The following GLRA3 variants were observed in gnomAD, a reference collection of about 807,000 sequenced individuals.
The protein encoded by GLRA3 is glycine receptor alpha 3.
GLRA3 carries 44 observed loss-of-function variants against 60.4 expected under a neutral mutation model. The observed-to-expected ratio is 0.73, with a 90% confidence interval of 0.57 to 0.94. The LOEUF (loss-of-function observed/expected upper bound fraction) is 0.94, where lower values mean the gene tolerates loss of function less well. Ranked by LOEUF, GLRA3 falls within the 40% of genes least tolerant of loss-of-function variation. The pLI is 0.00. For missense variants in GLRA3, 508 were observed against 564.6 expected (o/e 0.90, Z 1.02); for synonymous variants, 223 against 192.9 (o/e 1.16, Z -1.29).
intron 1 of GLRA3, among the ~76,000 whole-genome samples, chr4:174,789,902 A>T (rs76191024): frequency 2.0e-5 from 3 of 152,204 alleles, no homozygotes; most frequent in African/African-American, 7.2e-5. Flanking sequence ...GACATTGCCA[A>T]ATCAAACCAT....
intron 3 of GLRA3, among the ~76,000 whole-genome samples, chr4:174,765,000 T>C (rs982818229): frequency 3.3e-5 from 5 of 152,038 alleles, no homozygotes; most frequent in African/African-American, 1.2e-4. Flanking sequence ...CAATGTTCAT[T>C]GACACTGCTT....
intron 6 of GLRA3, among the ~76,000 whole-genome samples, chr4:174,681,882 A>C (rs1734359559): frequency 6.6e-6 from 1 of 152,178 alleles, no homozygotes; most frequent in Admixed American, 6.5e-5. Context: ...TGAACTCCCT[A>C]ATAAGTTAGA....
chr4:174,672,740 G>C (rs77710939), intron 7 of GLRA3, among the ~76,000 whole-genome samples: 2 of 152,090 alleles, frequency 1.3e-5, no homozygotes, highest in East Asian at 3.9e-4. Context: ...GTAAACCATT[G>C]AGATTCAGAA....
intron 2 of GLRA3, 99 bp from the exon 3 acceptor site, chr4:174,767,129 C>CAG: frequency 2.4e-6 from 1 of 410,836 alleles, no homozygotes; most frequent in South Asian, 3.5e-5. Context: ...ATTTTACACA[C>CAG]ACACACACAC....
In GLRA3 at chr4:174,648,846, A is replaced by G. The variant is rs574579585; in HGVS notation, c.1117-4782T>C. Among the ~76,000 whole-genome samples the G allele has an allele frequency of 3.3e-5, 5 of 152,298 alleles. No homozygotes were observed. In the South Asian group the frequency reaches 8.3e-4, roughly 25 times the overall value. On this transcript the variant is annotated intron_variant, in intron 9 of 9. Coordinates refer to ENST00000274093, the MANE Select transcript of GLRA3 (RefSeq NM_006529.4). ...CTCTTTAGGTGGCTGTTAAGACACA[A>G]AAAGAACACAGCAAAAATTGACAGG...
Position 174,804,170 on chromosome 4 carries a change from C to T in GLRA3, c.72-15227G>A, listed in dbSNP as rs115980745. ...CAGTGAAAATTTATAGGATGAAGGA[C>T]TTCTGAAATAGTGCTCCAGAGTTTC... is the stretch of plus-strand genomic sequence containing the variant. On this transcript the variant is annotated intron_variant, in intron 1 of 9. Transcript: ENST00000274093. 4.9e-3 allele frequency among the ~76,000 whole-genome samples: 752 copies of T among 152,184 alleles called. 3 individuals carry two copies. Among genetic ancestry groups the T allele is most frequent in the South Asian group, 8.7e-3 (42 of 4,824 alleles).
chr4:174,676,522 T>C (rs1734123582), intron 7 of GLRA3, among the ~76,000 whole-genome samples: 3 of 152,174 alleles, frequency 2.0e-5, no homozygotes, highest in South Asian at 2.1e-4. Context: ...TGTAAAGCTA[T>C]GTGTGTGTAT....
chr4:174,803,442 A>C (rs1739902925), intron 1 of GLRA3, among the ~76,000 whole-genome samples: 1 of 152,148 alleles, frequency 6.6e-6, no homozygotes, highest in African/African-American at 2.4e-5. Flanking sequence ...TGTCATGCTC[A>C]AGATAATAAA....
At chr4:174,724,823 C>T (rs1736260686) in intron 4 of GLRA3, among the ~76,000 whole-genome samples, 1 of 152,298 alleles carries the variant, frequency 6.6e-6, no homozygotes, top group African/African-American at 2.4e-5. Context: ...TTCCTTTCAG[C>T]ACCTAAAAAA....
At position 174,642,282 on chromosome 4, in the gene GLRA3, T is replaced by C; in HGVS notation, c.*1504A>G. On this transcript the variant is annotated 3_prime_UTR_variant, in exon 10 of 10. Coordinates refer to ENST00000274093, the MANE Select transcript of GLRA3 (RefSeq NM_006529.4). ...AGTGGTTGAAGGGTAGAAAATAGCA[T>C]CTTGTTAAAGAACTGGCTTTTCTAT... 1 of 949,990 alleles carries C rather than the reference T, an allele frequency of 1.1e-6. No individual in the cohort carries two copies. Among genetic ancestry groups the C allele is most frequent in the Non-Finnish European group, 1.3e-6 (1 of 797,832 alleles). 58.8% of individuals were successfully genotyped at this position (949,990 alleles called of 1,614,324 possible). A position where few individuals can be genotyped will look rare whatever the true frequency, so the allele number is the denominator to read the frequency against.
chr4:174,759,771 A>T (rs1737869605), intron 3 of GLRA3, among the ~76,000 whole-genome samples: 1 of 152,208 alleles, frequency 6.6e-6, no homozygotes, highest in Non-Finnish European at 1.5e-5. Flanking sequence ...AAATTTCATT[A>T]CAAATTATTG....
At chr4:174,754,038 A>G (rs1230033130) in intron 3 of GLRA3, among the ~76,000 whole-genome samples, 1 of 152,006 alleles carries the variant, frequency 6.6e-6, no homozygotes, top group African/African-American at 2.4e-5. Flanking sequence ...TGTGCCTTTT[A>G]ACATTGTTTT....
chr4:174,685,064 G>C (rs67013670), intron 5 of GLRA3, among the ~76,000 whole-genome samples: 1 of 151,864 alleles, frequency 6.6e-6, no homozygotes, highest in African/African-American at 2.4e-5. Flanking sequence ...AGGTCTGTGA[G>C]GCAGCACAGA....
At chr4:174,771,482 T>C (rs976653949) in intron 2 of GLRA3, among the ~76,000 whole-genome samples, 4 of 152,052 alleles carry the variant, frequency 2.6e-5, no homozygotes, top group Non-Finnish European at 5.9e-5. Context: ...AATATGAATC[T>C]GAGAAACATT....
chr4:174,728,555 C>G lies in GLRA3; in HGVS notation c.411G>C (p.Lys137Asn). Residue 137 changes from lysine to asparagine, a missense_variant, in exon 4 of 10, where the codon AAG becomes AAC. By Grantham distance (94) the Lys-to-Asn change is moderately conservative. Transcript: ENST00000274093. ...WKPDLFFANE[K>N]GANFHEVTTD... ...TAGTGACTTCATGAAAGTTGGCACC[C>G]TTTTCATTGGCAAAGAACAAATCAG... 6.2e-7 allele frequency: 1 copy of G among 1,613,394 alleles called. No individual in the cohort carries two copies. Among genetic ancestry groups the G allele is most frequent in the Non-Finnish European group, 8.5e-7 (1 of 1,179,410 alleles).
chr4:174,726,087 T>C (rs1164297051), intron 4 of GLRA3, among the ~76,000 whole-genome samples: 1 of 152,244 alleles, frequency 6.6e-6, no homozygotes, highest in Non-Finnish European at 1.5e-5. Context: ...GTAAGCATGA[T>C]GTCCACTGAC....
At chr4:174,817,994 C>A (rs1461918665) in intron 1 of GLRA3, among the ~76,000 whole-genome samples, 1 of 152,056 alleles carries the variant, frequency 6.6e-6, no homozygotes, top group Non-Finnish European at 1.5e-5. Context: ...CAGATTTTGA[C>A]CATGTTAGTT....
In GLRA3 at chr4:174,828,689, G is replaced by A. The variant is rs986604367; in HGVS notation, c.71+52C>T. The stretch of plus-strand genomic sequence containing the variant: ...CTCATCAATAACAAGTGGTTGCAAC[G>A]TAATGCACAGGCTTAATGAGTTCTC... On this transcript the variant is annotated intron_variant, in intron 1 of 9. Transcript: ENST00000274093. 4.5e-6 allele frequency: 5 copies of A among 1,120,642 alleles called. No homozygotes were observed. The African/African-American group carries it at 6.1e-5, about 14-fold the overall frequency. The allele number at this position is 1,120,642 out of a possible 1,614,324, so 69.4% of individuals were successfully genotyped here. A position where few individuals can be genotyped will look rare whatever the true frequency, so the allele number is the denominator to read the frequency against.
At chr4:174,720,376 T>C (rs756472472) in intron 4 of GLRA3, among the ~76,000 whole-genome samples, 10 of 152,324 alleles carry the variant, frequency 6.6e-5, no homozygotes, top group Non-Finnish European at 1.3e-4. Flanking sequence ...TTAGTGCCTA[T>C]TGTATGTCTG....
Sources: gnomAD v4.1 joint callset for allele counts (sites outside exome capture counted in the v4.1 genomes callset) on GRCh38, gnomAD v4.1.1 for gene constraint, MANE v1.5 for transcripts, NCBI Gene and HGNC (gene_info 2026-07-23, HGNC 2026-07-21) for gene names.